Variants in RIMS1 observed in about 807,000 individuals in gnomAD.
The protein encoded by RIMS1 is regulating synaptic membrane exocytosis 1.
RIMS1 carries 83 observed loss-of-function variants against 214.1 expected under a neutral mutation model. The observed-to-expected ratio is 0.39, with a 90% CI of 0.32 to 0.47. The LOEUF is 0.47. Among genes scored for constraint, RIMS1 ranks in the 20% least tolerant of loss-of-function variants. RIMS1 has a pLI of 0.99. For synonymous variants in RIMS1, 793 were observed against 786.8 expected (o/e 1.01, Z -0.13); for missense variants, 2,050 against 2,161.8 (o/e 0.95, Z 1.03).
chr6:72,390,027 T>A (rs1256708703), intron 29 of RIMS1, among the ~76,000 whole-genome samples: 2 of 152,192 alleles, frequency 1.3e-5, no homozygotes, highest in East Asian at 1.9e-4. Context: ...AACTCCATAA[T>A]CTATATGGAG....
intron 4 of RIMS1, among the ~76,000 whole-genome samples, chr6:72,144,591 C>T (rs949609344): frequency 6.6e-6 from 1 of 151,758 alleles, no homozygotes; most frequent in African/African-American, 2.4e-5. Context: ...TGGGGCTTCG[C>T]TTTGGTTAGC....
chr6:72,115,016 G>A (rs755678652), intron 4 of RIMS1, among the ~76,000 whole-genome samples: 5 of 151,832 alleles, frequency 3.3e-5, no homozygotes, highest in African/African-American at 4.8e-5. Flanking sequence ...CCTACTGAAC[G>A]CTGCATATAT....
intron 6 of RIMS1, chr6:72,216,517 T>C: frequency 1.0e-6 from 1 of 985,514 alleles, no homozygotes. Flanking sequence ...TGCTTTCTGG[T>C]GCCAGTTGTC....
intron 6 of RIMS1, among the ~76,000 whole-genome samples, chr6:72,193,129 A>G (rs1390349492): frequency 6.6e-6 from 1 of 152,236 alleles, no homozygotes; most frequent in Admixed American, 6.5e-5. Flanking sequence ...CAATAACAGC[A>G]GATAATGAAA....
intron 1 of RIMS1, among the ~76,000 whole-genome samples, chr6:71,891,223 GGTTCTA>G (rs371808487): frequency 1.3e-5 from 2 of 152,252 alleles, no homozygotes; most frequent in East Asian, 1.9e-4. Flanking sequence ...AGTGTTTTTA[GGTTCTA>G]GTTCTAGTTC....
intron 2 of RIMS1, among the ~76,000 whole-genome samples, chr6:72,034,868 A>T (rs1181374631): frequency 6.6e-6 from 1 of 152,212 alleles, no homozygotes; most frequent in Non-Finnish European, 1.5e-5. Flanking sequence ...TGCATAATTA[A>T]GATGCATAAT....
At chr6:72,251,719 T>C (rs1375916865) in intron 15 of RIMS1, among the ~76,000 whole-genome samples, 2 of 147,694 alleles carry the variant, frequency 1.4e-5, no homozygotes, top group Non-Finnish European at 3.0e-5. Flanking sequence ...AGATTTTTTC[T>C]CCCCCCACCG....
At chr6:72,003,220 G>C (rs1805955364) in intron 2 of RIMS1, among the ~76,000 whole-genome samples, 1 of 152,158 alleles carries the variant, frequency 6.6e-6, no homozygotes, top group Non-Finnish European at 1.5e-5. Context: ...TCTCTTCATT[G>C]TCAGATCTTA....
At chr6:72,281,849 A>G (rs947038756) in intron 23 of RIMS1, among the ~76,000 whole-genome samples, 1 of 152,062 alleles carries the variant, frequency 6.6e-6, no homozygotes, top group Admixed American at 6.6e-5. Context: ...TGTTGTTGAC[A>G]TGTATCACCT....
chr6:72,241,298 GA>G (rs1370787010), intron 9 of RIMS1, among the ~76,000 whole-genome samples: 1 of 152,038 alleles, frequency 6.6e-6, no homozygotes, highest in African/African-American at 2.4e-5. Context: ...TAGACACTGA[GA>G]ACAACAAAAT....
At position 71,969,079 on chromosome 6, in the gene RIMS1, G is replaced by A. The variant is rs781695745; in HGVS notation, c.245+16G>A. The A allele has an allele frequency of 6.2e-7, 1 of 1,612,278 alleles. No homozygotes were observed. Among genetic ancestry groups the A allele is most frequent in the Non-Finnish European group, 8.5e-7 (1 of 1,178,374 alleles). On this transcript the variant is annotated intron_variant, in intron 2 of 33. Coordinates refer to ENST00000521978, the MANE Select transcript of RIMS1 (RefSeq NM_014989.7). Reference sequence around the variant, plus strand: ...AACCTTCACCGTGAGTATGGCATTGGTTTTATTGACTGAAAATGTCGTCTC... The same window carrying A: ...AACCTTCACCGTGAGTATGGCATTGATTTTATTGACTGAAAATGTCGTCTC...
chr6:72,007,988 G>A (rs1808508964), intron 2 of RIMS1, among the ~76,000 whole-genome samples: 2 of 152,088 alleles, frequency 1.3e-5, no homozygotes. Flanking sequence ...CAAAGATACT[G>A]TTCGAGAAGA....
chr6:71,943,789 G>A (rs972750966), intron 1 of RIMS1, among the ~76,000 whole-genome samples: 6 of 152,052 alleles, frequency 3.9e-5, no homozygotes, highest in Non-Finnish European at 5.9e-5. Context: ...TTCCGATGGC[G>A]TATTCGAACA....
At chr6:72,061,676 C>G (rs1422251595) in intron 2 of RIMS1, among the ~76,000 whole-genome samples, 1 of 152,254 alleles carries the variant, frequency 6.6e-6, no homozygotes, top group African/African-American at 2.4e-5. Context: ...TCTGCTAAGC[C>G]TGTTTCAGCA....
intron 6 of RIMS1, among the ~76,000 whole-genome samples, chr6:72,206,865 G>T (rs1373219512): frequency 6.6e-6 from 1 of 152,186 alleles, no homozygotes; most frequent in African/African-American, 2.4e-5. Flanking sequence ...CTTTCAGTGG[G>T]TTGGGTGGCT....
At chr6:72,374,312 A>G (rs986910326) in intron 29 of RIMS1, among the ~76,000 whole-genome samples, 36 of 152,298 alleles carry the variant, frequency 2.4e-4, no homozygotes, top group African/African-American at 7.7e-4. Flanking sequence ...TCAGATACGC[A>G]ACTATGTTTT....
At chr6:71,948,558 T>G (rs1463119913) in intron 1 of RIMS1, among the ~76,000 whole-genome samples, 1 of 152,194 alleles carries the variant, frequency 6.6e-6, no homozygotes, top group Non-Finnish European at 1.5e-5. Flanking sequence ...GATACACAAT[T>G]TCTCCTCTGT....
chr6:72,278,003 A>G (rs1050209877), intron 23 of RIMS1, among the ~76,000 whole-genome samples: 12 of 152,170 alleles, frequency 7.9e-5, no homozygotes, highest in Admixed American at 1.3e-4. Context: ...GTTATTATTA[A>G]ATAAAACTTT....
rs1215824750 is a variant in RIMS1 at position 72,308,510 on chromosome 6, G to GA, written c.3963+1145dup. On this transcript the variant is annotated intron_variant, in intron 27 of 33. Transcript: ENST00000521978. ...ATTATTAGCTTGAAATATGGACCTAGAAAAACCTACTTATTTTTAAGCAGT... is the reference window on the plus strand; with the variant it reads ...ATTATTAGCTTGAAATATGGACCTAGAAAAAACCTACTTATTTTTAAGCAGT... 2.0e-5 allele frequency among the ~76,000 whole-genome samples: 3 copies of GA among 151,934 alleles called. No individual in the cohort carries two copies. The East Asian group carries it at 5.8e-4, about 29-fold the overall frequency.
Sources: gnomAD v4.1 joint callset for allele counts (sites outside exome capture counted in the v4.1 genomes callset) on GRCh38, gnomAD v4.1.1 for gene constraint, MANE v1.5 for transcripts, NCBI Gene and HGNC (gene_info 2026-07-23, HGNC 2026-07-21) for gene names.